Variants in PTPRT observed in about 807,000 individuals in gnomAD.
PTPRT encodes the protein receptor-type tyrosine-protein phosphatase T.
Under a neutral mutation model 176.8 loss-of-function variants are expected in PTPRT, and 56 were observed. The observed-to-expected ratio is 0.32, with a 90% CI of 0.26 to 0.40. The LOEUF (loss-of-function observed/expected upper bound fraction) is 0.40, where lower values mean the gene tolerates loss of function less well. PTPRT is among the 10% of genes least tolerant of loss of function. The pLI is 1.00. For synonymous variants in PTPRT, 783 were observed against 739.0 expected, an observed-to-expected ratio of 1.06 and a Z score of -0.96; for missense variants, 1,540 against 1,908.2, an observed-to-expected ratio of 0.81 and a Z score of 3.60.
chr20:42,341,569 G>A (rs937608279), intron 11 of PTPRT, among the ~76,000 whole-genome samples: 47 of 152,004 alleles, frequency 3.1e-4, no homozygotes, highest in African/African-American at 8.9e-4. Flanking sequence ...ATAAAGTTTC[G>A]TAGCTCTCTG....
chr20:42,881,804 G>C (rs1340215530), intron 2 of PTPRT, among the ~76,000 whole-genome samples: 1 of 150,024 alleles, frequency 6.7e-6, no homozygotes, highest in Non-Finnish European at 1.5e-5. Context: ...GAAGAATTGA[G>C]AAAACAAATT....
At chr20:42,873,210 C>T (rs764325538) in intron 2 of PTPRT, among the ~76,000 whole-genome samples, 1 of 152,212 alleles carries the variant, frequency 6.6e-6, no homozygotes, top group Non-Finnish European at 1.5e-5. Context: ...GTGGGTGCCA[C>T]TGACTTGAGC....
At chr20:42,255,019 C>T (rs1334158003) in intron 13 of PTPRT, among the ~76,000 whole-genome samples, 1 of 152,138 alleles carries the variant, frequency 6.6e-6, no homozygotes, top group Non-Finnish European at 1.5e-5. Flanking sequence ...CCTGACCCTC[C>T]CCATGTTACC....
intron 2 of PTPRT, among the ~76,000 whole-genome samples, chr20:42,864,895 CAA>C (rs1004745214): frequency 6.6e-6 from 1 of 152,180 alleles, no homozygotes; most frequent in African/African-American, 2.4e-5. Flanking sequence ...TTGAAATGGT[CAA>C]AATCAGATAA....
chr20:43,146,031 T>C (rs1228822470), intron 1 of PTPRT, among the ~76,000 whole-genome samples: 1 of 152,208 alleles, frequency 6.6e-6, no homozygotes, highest in African/African-American at 2.4e-5. Context: ...AATTGGCTCT[T>C]TGAGAGTTTT....
At chr20:42,273,795 G>A (rs946014350) in intron 13 of PTPRT, among the ~76,000 whole-genome samples, 1 of 152,232 alleles carries the variant, frequency 6.6e-6, no homozygotes, top group Non-Finnish European at 1.5e-5. Context: ...CACTTATAAA[G>A]TGGAGGTAAT....
At chr20:42,556,809 C>G (rs1183257935) in intron 7 of PTPRT, among the ~76,000 whole-genome samples, 1 of 152,108 alleles carries the variant, frequency 6.6e-6, no homozygotes, top group Admixed American at 6.6e-5. Flanking sequence ...ATTGCTTAGT[C>G]AATTCATCCT....
chr20:42,072,258 C>T (rs542881247), downstream of PTPRT, among the ~76,000 whole-genome samples: 1 of 152,294 alleles, frequency 6.6e-6, no homozygotes, highest in South Asian at 2.1e-4. Context: ...AGAATAGAGC[C>T]CTTAGCCAAC....
At chr20:42,244,010 G>C (rs750195933) in intron 14 of PTPRT, among the ~76,000 whole-genome samples, 35 of 152,206 alleles carry the variant, frequency 2.3e-4, no homozygotes, top group Non-Finnish European at 4.9e-4. Context: ...ATGTGGAGAT[G>C]AATGTTTCTG....
intron 1 of PTPRT, among the ~76,000 whole-genome samples, chr20:42,893,126 G>T (rs2079224283): frequency 6.6e-6 from 1 of 152,038 alleles, no homozygotes; most frequent in Admixed American, 6.6e-5. Flanking sequence ...CTGACAAAGG[G>T]CTAATATCCA....
At chr20:42,386,114 C>T (rs2058741903) in intron 9 of PTPRT, among the ~76,000 whole-genome samples, 1 of 152,056 alleles carries the variant, frequency 6.6e-6, no homozygotes, top group South Asian at 2.1e-4. Flanking sequence ...GTTGAAAAGG[C>T]ATGATTATAT....
At chr20:42,094,554 C>G (rs1354250627) in intron 27 of PTPRT, among the ~76,000 whole-genome samples, 2 of 152,076 alleles carry the variant, frequency 1.3e-5, no homozygotes, top group African/African-American at 4.8e-5. Context: ...TCCCAAGTAG[C>G]TAGGATTACA....
chr20:42,422,952 C>T (rs974551718), intron 9 of PTPRT, among the ~76,000 whole-genome samples: 2 of 151,926 alleles, frequency 1.3e-5, no homozygotes, highest in African/African-American at 4.8e-5. Flanking sequence ...AAACAGAAAA[C>T]CAAATACCAC....
chr20:42,412,127 T>C (rs921280280), intron 9 of PTPRT, among the ~76,000 whole-genome samples: 3 of 152,186 alleles, frequency 2.0e-5, no homozygotes, highest in South Asian at 4.1e-4. Context: ...AAAAGAGATG[T>C]CACAGACAGG....
At chr20:42,564,760 AAATAAT>A (rs769890827) in intron 7 of PTPRT, among the ~76,000 whole-genome samples, 1 of 152,182 alleles carries the variant, frequency 6.6e-6, no homozygotes, top group Non-Finnish European at 1.5e-5. Context: ...AGCAAAATAA[AAATAAT>A]AATAATACAA....
intron 7 of PTPRT, among the ~76,000 whole-genome samples, chr20:42,625,873 T>C (rs1159052234): frequency 6.6e-6 from 1 of 151,856 alleles, no homozygotes; most frequent in Non-Finnish European, 1.5e-5. Flanking sequence ...TGTTCACAAA[T>C]ATGCTTTACC....
intron 1 of PTPRT, among the ~76,000 whole-genome samples, chr20:43,176,847 A>G (rs1165937177): frequency 6.6e-6 from 1 of 152,208 alleles, no homozygotes; most frequent in East Asian, 1.9e-4. Flanking sequence ...ATAGAAGGGA[A>G]GCTGCATAGC....
chr20:42,452,964 C>G (rs2070857514), intron 8 of PTPRT, among the ~76,000 whole-genome samples: 1 of 152,146 alleles, frequency 6.6e-6, no homozygotes, highest in South Asian at 2.1e-4. Flanking sequence ...ATTTCAAATG[C>G]CATCTTACTA....
intron 12 of PTPRT, among the ~76,000 whole-genome samples, chr20:42,283,068 C>T (rs144945984): frequency 4.9e-4 from 75 of 152,238 alleles, no homozygotes; most frequent in African/African-American, 1.6e-3. Flanking sequence ...GTGTGGGCCT[C>T]GCAACCTTCA....
Sources: allele counts gnomAD v4.1 joint callset (sites outside exome capture counted in the v4.1 genomes callset), GRCh38; gene constraint gnomAD v4.1.1; transcripts MANE v1.5; gene names NCBI Gene and HGNC (gene_info 2026-07-23, HGNC 2026-07-21).